The following FAM98C variants were observed in gnomAD, a reference collection of about 807,000 sequenced individuals.
FAM98C encodes the protein protein FAM98C.
Under a neutral mutation model 41.1 loss-of-function variants are expected in FAM98C, and 38 were observed. The ratio of observed to expected loss-of-function variants is 0.92; its 90% CI spans 0.71 to 1.21. The LOEUF (loss-of-function observed/expected upper bound fraction) is 1.21. Ranked by LOEUF, FAM98C falls within the 50% of genes most tolerant of loss-of-function variation. The pLI is 0.00. For synonymous variants in FAM98C, 195 were observed against 216.7 expected (o/e 0.90, Z 0.88); for missense variants, 493 against 484.7 (o/e 1.02, Z -0.16).
intron 7 of FAM98C, 55 bp downstream of exon 7, chr19:38,407,132 T>G: frequency 6.3e-7 from 1 of 1,588,446 alleles, no homozygotes; most frequent in Non-Finnish European, 8.6e-7. Flanking sequence ...AGATTGGCCT[T>G]TCAGCCTCTG....
Position 38,408,859 on chromosome 19 carries a change from C to A in FAM98C, c.1027C>A (p.Arg343Ser). 1 of 1,567,890 alleles carries A rather than the reference C, an allele frequency of 6.4e-7. No homozygotes were observed. The highest frequency in any genetic ancestry group is 8.6e-7 in the Non-Finnish European group (1 of 1,163,142). Residue 343 changes from arginine to serine, a missense_variant, in exon 8 of 8, where the codon CGC (arginine) becomes AGC (serine). Coordinates refer to ENST00000252530, the MANE Select transcript of FAM98C (RefSeq NM_174905.4). Reference protein sequence around the residue: ...REDGGPQCWGRKKKKKK With the variant: ...REDGGPQCWGSKKKKKK ...GGATGGAGGCCCCCAGTGTTGGGGTCGCAAGAAGAAGAAGAAGAAGTAAAG... is the reference window on the plus strand; with the variant it reads ...GGATGGAGGCCCCCAGTGTTGGGGTAGCAAGAAGAAGAAGAAGAAGTAAAG...
Position 38,405,009 on chromosome 19 carries a change from G to A in FAM98C, c.451G>A (p.Ala151Thr). The change falls in exon 4 of 8, where the codon GCC becomes ACC. Residue 151 changes from alanine to threonine, a missense_variant. Physicochemically the swap from Ala to Thr is moderately conservative, Grantham distance 58. Coordinates refer to ENST00000252530, the MANE Select transcript of FAM98C (RefSeq NM_174905.4). ...PPLGEGVVEG[A>T]GMVQELDLTL... is the part of the protein sequence containing the mutation. The stretch of plus-strand genomic sequence containing the variant: ...CCTTGGTGAAGGGGTAGTGGAGGGA[G>A]CCGGCATGGTCCAAGAACTGGACCT... The A allele has an allele frequency of 6.2e-7, 1 of 1,614,178 alleles. No homozygotes were observed. Among genetic ancestry groups the A allele is most frequent in the Non-Finnish European group, 8.5e-7 (1 of 1,180,030 alleles).
At position 38,409,045 on chromosome 19, in the gene FAM98C, A is replaced by G. The variant is rs961514760; in HGVS notation, c.*163A>G. The G allele has an allele frequency of 1.6e-6, 1 of 611,640 alleles. No individual in the cohort carries two copies. Among genetic ancestry groups the G allele is most frequent in the South Asian group, 2.9e-5 (1 of 34,672 alleles). The allele number at this position is 611,640 out of a possible 1,614,324, so 37.9% of individuals were successfully genotyped here. A position where few individuals can be genotyped will look rare whatever the true frequency, so the allele number is the denominator to read the frequency against. On this transcript the variant is annotated 3_prime_UTR_variant, in exon 8 of 8. Transcript: ENST00000252530. Reference sequence around the variant, plus strand: ...CCCTGCTCCCATTCACGTCAATACCAAGAACCATGTTCTCCAGAGAATAAA... The same window carrying G: ...CCCTGCTCCCATTCACGTCAATACCGAGAACCATGTTCTCCAGAGAATAAA...
rs1970988948 is a variant in FAM98C, at chr19:38,403,212, C to T, written c.59C>T (p.Ala20Val). ...EGAAVAQDLL[A>V]LGYGGVPGAA... ...GCCGCGGTGGCCCAGGACCTGCTGG[C>T]TCTGGGGTAAAAGGGTGTGCGGTGA... Residue 20 changes from alanine (A) to valine (V), a missense_variant, in exon 1 of 8, where the codon GCT becomes GTT. Physicochemically the swap from Ala to Val is moderately conservative, Grantham distance 64. Transcript: ENST00000252530. 2 of 1,559,116 alleles carry T rather than the reference C, an allele frequency of 1.3e-6. No homozygotes were observed. The highest frequency in any genetic ancestry group is 1.2e-5 in the South Asian group (1 of 85,210).
In FAM98C at chr19:38,408,920, A is replaced by G. The variant is rs1971101331; in HGVS notation, c.*38A>G. The G allele has an allele frequency of 8.5e-6, 13 of 1,534,732 alleles. No homozygotes were observed. Among genetic ancestry groups the G allele is most frequent in the Non-Finnish European group, 1.0e-5 (12 of 1,146,616 alleles). On this transcript the variant is annotated 3_prime_UTR_variant, in exon 8 of 8. Transcript: ENST00000252530. ...GGTCGGGGGCGGGGGGTCCTCCATG[A>G]GATGCTAATGCTATCGGTAATCTCT...
At chr19:38,405,824 C>CT in intron 6 of FAM98C, 189 bp downstream of exon 6, 2 of 597,990 alleles carry the variant, frequency 3.3e-6, no homozygotes, top group Non-Finnish European at 5.9e-6. Context: ...ATTCCCAGCT[C>CT]TGAGCTGGCA....
At chr19:38,406,774 C>T (rs1261127808) in intron 6 of FAM98C, 136 bp from the exon 7 acceptor site, 3 of 934,528 alleles carry the variant, frequency 3.2e-6, no homozygotes, top group Non-Finnish European at 1.6e-6. Flanking sequence ...GACAGCGAGA[C>T]CCTGTCTCAA....
chr19:38,407,182 C>A, intron 7 of FAM98C, 105 bp downstream of exon 7: 3 of 1,350,966 alleles, frequency 2.2e-6, no homozygotes, highest in Non-Finnish European at 3.1e-6. Context: ...CTAATCCACC[C>A]ACTAGACATG....
In FAM98C at chr19:38,405,007, G is replaced by A; in HGVS notation, c.449G>A (p.Gly150Glu). ...CCCCTTGGTGAAGGGGTAGTGGAGG[G>A]AGCCGGCATGGTCCAAGAACTGGAC... is the stretch of plus-strand genomic sequence containing the variant. ...RPPLGEGVVE[G>E]AGMVQELDLT... The change falls in exon 4 of 8, where the codon GGA becomes GAA. Residue 150 changes from glycine to glutamate, a missense_variant. Coordinates refer to ENST00000252530, the MANE Select transcript of FAM98C (RefSeq NM_174905.4). 6.2e-7 allele frequency: 1 copy of A among 1,614,180 alleles called. No individual in the cohort carries two copies. The highest frequency in any genetic ancestry group is 8.5e-7 in the Non-Finnish European group (1 of 1,180,034).
intron 7 of FAM98C, chr19:38,407,463 C>T (rs1186563989): frequency 3.4e-5 from 6 of 177,892 alleles, no homozygotes; most frequent in South Asian, 1.2e-4. Flanking sequence ...CTCCACCTCC[C>T]GGGTTCAAGC....
rs374960953 is a variant in FAM98C at position 38,405,636 on chromosome 19, G to A, written c.750+1G>A. 11 of 1,614,002 alleles carry A rather than the reference G, an allele frequency of 6.8e-6. No individual in the cohort carries two copies. The African/African-American group carries it at 1.5e-4, about 22-fold the overall frequency. ...TTTCCACTGGAGTGACCGGGCAGAG[G>A]TGTGGTGGGCAGGGGACCATGCAGA... On this transcript the variant is annotated splice_donor_variant, in intron 6 of 7. Coordinates refer to ENST00000252530, the MANE Select transcript of FAM98C (RefSeq NM_174905.4). LOFTEE classifies it high-confidence loss of function.
chr19:38,405,897 G>C, intron 6 of FAM98C: 1 of 410,842 alleles, frequency 2.4e-6, no homozygotes, highest in Non-Finnish European at 4.4e-6. Context: ...TCACTCTGTT[G>C]CCAGGCTGGA....
At position 38,405,591 on chromosome 19, in the gene FAM98C, C is replaced by T. The variant is rs765216485; in HGVS notation, c.706C>T (p.Leu236Phe). The T allele has an allele frequency of 6.2e-6, 10 of 1,614,108 alleles. No homozygotes were observed. In the East Asian group the frequency reaches 2.2e-4, roughly 36 times the overall value. The change falls in exon 6 of 8, where the codon CTT (leucine) becomes TTT (phenylalanine). Residue 236 changes from leucine (L) to phenylalanine (F), a missense_variant. Transcript: ENST00000252530. ...RCRRCLLLKR[L>F]DLTTSAFHWS... ...CCGCCGCTGCCTCCTCCTCAAGCGC[C>T]TTGACCTCACTACATCTGCTTTCCA...
chr19:38,408,532 C>A (rs1033768119), intron 7 of FAM98C: 15 of 533,998 alleles, frequency 2.8e-5, no homozygotes, highest in Non-Finnish European at 4.6e-5. Flanking sequence ...GCACTCCAGC[C>A]TGGGCAACAG....
intron 7 of FAM98C, chr19:38,407,531 C>G: frequency 6.0e-6 from 1 of 167,158 alleles, no homozygotes; most frequent in Admixed American, 5.6e-5. Context: ...CCACCATGTC[C>G]GGCTAATTTT....
intron 7 of FAM98C, chr19:38,408,140 A>G (rs1457546510): frequency 1.3e-5 from 2 of 151,860 alleles, no homozygotes; most frequent in South Asian, 2.1e-4. Flanking sequence ...TTAAGAAAAA[A>G]ACTGAGCCCG....
Position 38,409,020 on chromosome 19 carries a change from C to T in FAM98C, c.*138C>T. The T allele has an allele frequency of 1.2e-6, 1 of 862,244 alleles. No homozygotes were observed. The highest frequency in any genetic ancestry group is 1.7e-6 in the Non-Finnish European group (1 of 592,584). The allele number at this position is 862,244 out of a possible 1,614,324, so 53.4% of individuals were successfully genotyped here. A position where few individuals can be genotyped will look rare whatever the true frequency, so the allele number is the denominator to read the frequency against. On this transcript the variant is annotated 3_prime_UTR_variant, in exon 8 of 8. Coordinates refer to ENST00000252530, the MANE Select transcript of FAM98C (RefSeq NM_174905.4). Reference sequence around the variant, plus strand: ...TCTCCTATTCCTGAGTCCCCAAATGCCCTGCTCCCATTCACGTCAATACCA... The same window carrying T: ...TCTCCTATTCCTGAGTCCCCAAATGTCCTGCTCCCATTCACGTCAATACCA...
At position 38,403,359 on chromosome 19, in the gene FAM98C, G is replaced by A; in HGVS notation, c.87G>A (p.Ala29=). 1 of 1,468,872 alleles carries A rather than the reference G, an allele frequency of 6.8e-7. No individual in the cohort carries two copies. The highest frequency in any genetic ancestry group is 8.9e-7 in the Non-Finnish European group (1 of 1,124,992). 91.0% of individuals were successfully genotyped at this position (1,468,872 alleles called of 1,614,324 possible). The change falls in exon 2 of 8, where the codon GCG becomes GCA. Residue 29 remains alanine, a synonymous_variant. Coordinates refer to ENST00000252530, the MANE Select transcript of FAM98C (RefSeq NM_174905.4). ...ACAGGTATGGAGGTGTCCCGGGGGC[G>A]GCGTCGCGGGGCGCCTCATGCCCAG... ...LALGYGGVPG[A]ASRGASCPDF...
Position 38,403,480 on chromosome 19 carries a change from G to A in FAM98C, c.208G>A (p.Gly70Ser), listed in dbSNP as rs1399554505. Residue 70 changes from glycine (G) to serine (S), a missense_variant, in exon 2 of 8, where the codon GGC becomes AGC. Gly to Ser is a moderately conservative substitution (Grantham distance 56). Coordinates refer to ENST00000252530, the MANE Select transcript of FAM98C (RefSeq NM_174905.4). ...GGCGGGCGCGGAGGTGCTGAGCGCC[G>A]GCGACGGTAAACACGGAGCGGGAGG... The part of the protein sequence containing the change: ...REAGAEVLSA[G>S]DGPGAEEDFL... 7.8e-6 allele frequency: 11 copies of A among 1,406,756 alleles called. No homozygotes were observed. The highest frequency in any genetic ancestry group is 1.0e-5 in the Non-Finnish European group (11 of 1,091,350). The allele number at this position is 1,406,756 out of a possible 1,614,324, so 87.1% of individuals were successfully genotyped here. A position where few individuals can be genotyped will look rare whatever the true frequency, so the allele number is the denominator to read the frequency against.
Sources: allele counts gnomAD v4.1 joint callset, GRCh38; gene constraint gnomAD v4.1.1; transcripts MANE v1.5; gene names NCBI Gene and HGNC (gene_info 2026-07-23, HGNC 2026-07-21).